The following GDF11 variants were observed in gnomAD, a reference collection of about 807,000 sequenced individuals.
GDF11 encodes growth differentiation factor 11, also known as growth/differentiation factor 11.
In GDF11, 12 loss-of-function variants were observed where a neutral mutation model predicts 34.4. The ratio of observed to expected loss-of-function variants is 0.35; its 90% CI spans 0.22 to 0.57. GDF11 has a LOEUF of 0.57. GDF11 is among the 20% of genes least tolerant of loss of function. The pLI is 0.86. For synonymous variants in GDF11, 212 were observed against 231.1 expected (o/e 0.92, Z 0.75); for missense variants, 346 against 548.2 (o/e 0.63, Z 3.68).
rs1197055891 is a variant in GDF11, at chr12:55,743,490, G to A, written c.174G>A (p.Glu58=). Residue 58 remains glutamate, a synonymous_variant, in exon 1 of 3, where the codon GAG becomes GAA. Transcript: ENST00000257868. ...GGCCAGCCCCGTCCGTGGCGCCCGA[G>A]CCGGACGGCTGCCCCGTGTGCGTTT... ...SSRPAPSVAP[E]PDGCPVCVWR... The A allele has an allele frequency of 1.9e-6, 3 of 1,543,194 alleles. No homozygotes were observed. The highest frequency in any genetic ancestry group is 2.8e-5 in the African/African-American group (2 of 72,194).
Position 55,748,438 on chromosome 12 carries a change from G to A in GDF11, c.446-148G>A, listed in dbSNP as rs111520487. 2.9e-5 allele frequency: 20 copies of A among 701,038 alleles called. No individual in the cohort carries two copies. Among genetic ancestry groups the A allele is most frequent in the Middle Eastern group, 8.2e-4 (2 of 2,442 alleles). The allele number at this position is 701,038 out of a possible 1,614,324, so 43.4% of individuals were successfully genotyped here. On this transcript the variant is annotated intron_variant, in intron 1 of 2. Transcript: ENST00000257868. The surrounding 1 kb of genome is among the most constrained non-coding windows in gnomAD (Gnocchi z 5.6). ...AAGAGGAAGTGCTGTTTTAGGTACC[G>A]GAGACATGGTATAAGATAGGCATGG...
At position 55,743,150 on chromosome 12, in the gene GDF11, CCGCCCGCG is replaced by C. The variant is rs1372113026; in HGVS notation, c.-159_-152del. 1.4e-5 allele frequency: 2 copies of C among 145,616 alleles called. No individual in the cohort carries two copies. Among genetic ancestry groups the C allele is most frequent in the African/African-American group, 4.9e-5 (2 of 40,494 alleles). 9.0% of individuals were successfully genotyped at this position (145,616 alleles called of 1,614,324 possible). A position where few individuals can be genotyped will look rare whatever the true frequency, so the allele number is the denominator to read the frequency against. ...CGCCCGCCCCGGCCGCCCGCCCGCC[CCGCCCGCG>C]CGCCCGCCGCCCCCGGCCCCCCGGG... On this transcript the variant is annotated 5_prime_UTR_variant, in exon 1 of 3. Coordinates refer to ENST00000257868, the MANE Select transcript of GDF11 (RefSeq NM_005811.5).
At position 55,756,681 on chromosome 12, in the gene GDF11, C is replaced by CACTGCTTATGT. The variant is rs1282989030; in HGVS notation, c.*6799_*6800insACTGCTTATGT. ...TTTCAGATCTACATGAACTTGAAGC[C>CACTGCTTATGT]TCCAGTTCCACTGCTTATGTTCCCA... On this transcript the variant is annotated 3_prime_UTR_variant, in exon 3 of 3. Coordinates refer to ENST00000257868, the MANE Select transcript of GDF11 (RefSeq NM_005811.5). 6.6e-6 allele frequency: 1 copy of CACTGCTTATGT among 152,202 alleles called. No individual in the cohort carries two copies. The highest frequency in any genetic ancestry group is 2.4e-5 in the African/African-American group (1 of 41,452). The allele number at this position is 152,202 out of a possible 1,614,324, so 9.4% of individuals were successfully genotyped here. A position where few individuals can be genotyped will look rare whatever the true frequency, so the allele number is the denominator to read the frequency against.
Position 55,749,620 on chromosome 12 carries a change from A to G in GDF11, c.962A>G (p.Asp321Gly). The change falls in exon 3 of 3, where the codon GAC becomes GGC. Residue 321 changes from aspartate to glycine, a missense_variant. By Grantham distance (94) the Asp-to-Gly change is moderately conservative. Transcript: ENST00000257868. This position sits in a 1 kb window ranked among gnomAD's most constrained non-coding sequence, Gnocchi z 5.6. ...TGCTGCCGATATCCCCTCACAGTGGACTTTGAGGCTTTCGGCTGGGACTGG... is the reference window on the plus strand; with the variant it reads ...TGCTGCCGATATCCCCTCACAGTGGGCTTTGAGGCTTTCGGCTGGGACTGG... ...SRCCRYPLTV[D>G]FEAFGWDWII... is the part of the protein sequence containing the mutation. 6.2e-7 allele frequency: 1 copy of G among 1,614,110 alleles called. No individual in the cohort carries two copies. The highest frequency in any genetic ancestry group is 1.1e-5 in the South Asian group (1 of 91,076).
At position 55,750,145 on chromosome 12, in the gene GDF11, T is replaced by C; in HGVS notation, c.*263T>C. On this transcript the variant is annotated 3_prime_UTR_variant, in exon 3 of 3. Transcript: ENST00000257868. The stretch of plus-strand genomic sequence containing the variant: ...AAGGTTTGACAAAAAGACAGAGAGA[T>C]GTAGAGACAGTGATAGAGACAGAGG... The C allele has an allele frequency of 2.1e-6, 1 of 482,118 alleles. No homozygotes were observed. Among genetic ancestry groups the C allele is most frequent in the Non-Finnish European group, 3.7e-6 (1 of 267,996 alleles). The allele number at this position is 482,118 out of a possible 1,614,324, so 29.9% of individuals were successfully genotyped here. A position where few individuals can be genotyped will look rare whatever the true frequency, so the allele number is the denominator to read the frequency against.
chr12:55,749,494 A>C lies in GDF11; in HGVS notation c.844-8A>C, dbSNP rs1282623032. 7 of 1,601,232 alleles carry C rather than the reference A, an allele frequency of 4.4e-6. No homozygotes were observed. Among genetic ancestry groups the C allele is most frequent in the Non-Finnish European group, 5.1e-6 (6 of 1,170,980 alleles). On this transcript the variant is annotated splice_region_variant and splice_polypyrimidine_tract_variant and intron_variant, in intron 2 of 2. Coordinates refer to ENST00000257868, the MANE Select transcript of GDF11 (RefSeq NM_005811.5). The surrounding 1 kb of genome is among the most constrained non-coding windows in gnomAD (Gnocchi z 5.6). ...ATCACATTTCTTTCCCCTCTCCCTG[A>C]CCCTCAGCATCCATTCATGGAGCTT...
At chr12:55,743,911 A>C in intron 1 of GDF11, 150 bp downstream of exon 1, 1 of 642,170 alleles carries the variant, frequency 1.6e-6, no homozygotes, top group Non-Finnish European at 2.6e-6. Flanking sequence ...GCTACTTCAT[A>C]GAAGTTTTCC....
At chr12:55,744,923 G>A (rs1878148816) in intron 1 of GDF11, among the ~76,000 whole-genome samples, 1 of 152,206 alleles carries the variant, frequency 6.6e-6, no homozygotes, top group Non-Finnish European at 1.5e-5. Context: ...CAGGAACCCA[G>A]GTGTGCATCT....
rs1403157579 is a variant in GDF11, at chr12:55,743,427, G to GGCGGCA, written c.117_122dup (p.Ala40_Ala41dup). Reference sequence around the variant, plus strand: ...CGGCGGCGGCGGCGGCGGCGGCGGCGGCGGCAGCGGCGGGGGTCGGGGGGG... The same window carrying GGCGGCA: ...CGGCGGCGGCGGCGGCGGCGGCGGCGGCGGCAGCGGCAGCGGCGGGGGTCGGGGGGG... On this transcript the variant is annotated inframe_insertion, in exon 1 of 3. Coordinates refer to ENST00000257868, the MANE Select transcript of GDF11 (RefSeq NM_005811.5). 18 of 1,098,898 alleles carry GGCGGCA rather than the reference G, an allele frequency of 1.6e-5. No homozygotes were observed. Among genetic ancestry groups the GGCGGCA allele is most frequent in the Admixed American group, 5.2e-5 (1 of 19,086 alleles). The allele number at this position is 1,098,898 out of a possible 1,614,324, so 68.1% of individuals were successfully genotyped here.
In GDF11 at chr12:55,753,669, C is replaced by G. The variant is rs982754275; in HGVS notation, c.*3787C>G. 1.3e-5 allele frequency: 2 copies of G among 148,452 alleles called. No homozygotes were observed. Among genetic ancestry groups the G allele is most frequent in the Non-Finnish European group, 2.9e-5 (2 of 67,818 alleles). 9.2% of individuals were successfully genotyped at this position (148,452 alleles called of 1,614,324 possible). ...CCTGTAATCCCAGCTACATGGAAGG[C>G]TGAGGCAGAAGAATCGCTTGAACCC... On this transcript the variant is annotated 3_prime_UTR_variant, in exon 3 of 3. Coordinates refer to ENST00000257868, the MANE Select transcript of GDF11 (RefSeq NM_005811.5).
chr12:55,749,083 A>ACC lies in GDF11; in HGVS notation c.843+101_843+102dup, dbSNP rs1166829794. 11 of 1,213,348 alleles carry ACC rather than the reference A, an allele frequency of 9.1e-6. No homozygotes were observed. The Admixed American group carries it at 2.6e-4, about 29-fold the overall frequency. 75.2% of individuals were successfully genotyped at this position (1,213,348 alleles called of 1,614,324 possible). On this transcript the variant is annotated intron_variant, in intron 2 of 2. Transcript: ENST00000257868. The surrounding 1 kb of genome is among the most constrained non-coding windows in gnomAD (Gnocchi z 5.6). ...ACAAGGAATGTGAAGGAGGTTGGGG[A>ACC]CCAGCATTACTTCTCTGGGGTCAGC... is the stretch of plus-strand genomic sequence containing the variant.
chr12:55,756,523 T>C lies in GDF11; in HGVS notation c.*6641T>C, dbSNP rs1164053719. Reference sequence around the variant, plus strand: ...ACCACAGCAACATGGGACCTGATCATAGTACCAAAGTCTTCAGGTAAGGTG... The same window carrying C: ...ACCACAGCAACATGGGACCTGATCACAGTACCAAAGTCTTCAGGTAAGGTG... On this transcript the variant is annotated 3_prime_UTR_variant, in exon 3 of 3. Transcript: ENST00000257868. The C allele has an allele frequency of 6.6e-6, 1 of 152,200 alleles. No homozygotes were observed. The highest frequency in any genetic ancestry group is 6.5e-5 in the Admixed American group (1 of 15,282). 9.4% of individuals were successfully genotyped at this position (152,200 alleles called of 1,614,324 possible).
In GDF11 at chr12:55,755,751, A is replaced by C. The variant is rs2136172454; in HGVS notation, c.*5869A>C. On this transcript the variant is annotated 3_prime_UTR_variant, in exon 3 of 3. Transcript: ENST00000257868. Reference sequence around the variant, plus strand: ...TGGAGGTTAGAGACTTCTGACCAACATAGGAACAGCTGCTGAAATGGGATG... The same window carrying C: ...TGGAGGTTAGAGACTTCTGACCAACCTAGGAACAGCTGCTGAAATGGGATG... 1 of 152,154 alleles carries C rather than the reference A, an allele frequency of 6.6e-6. No homozygotes were observed. Among genetic ancestry groups the C allele is most frequent in the Middle Eastern group, 3.4e-3 (1 of 294 alleles). 9.4% of individuals were successfully genotyped at this position (152,154 alleles called of 1,614,324 possible).
In GDF11 at chr12:55,749,442, C is replaced by T; in HGVS notation, c.844-60C>T. On this transcript the variant is annotated intron_variant, in intron 2 of 2. Coordinates refer to ENST00000257868, the MANE Select transcript of GDF11 (RefSeq NM_005811.5). The surrounding 1 kb of genome is among the most constrained non-coding windows in gnomAD (Gnocchi z 5.6). ...ATGCCCCTGGCAGGTGGGAAAGGAA[C>T]AGGGAAGAGGAACTGTTCAGGACCA... 6.6e-7 allele frequency: 1 copy of T among 1,518,540 alleles called. No individual in the cohort carries two copies. The highest frequency in any genetic ancestry group is 8.9e-7 in the Non-Finnish European group (1 of 1,126,280). The allele number at this position is 1,518,540 out of a possible 1,614,324, so 94.1% of individuals were successfully genotyped here.
Position 55,749,466 on chromosome 12 carries a change from C to G in GDF11, c.844-36C>G. 1 of 1,576,150 alleles carries G rather than the reference C, an allele frequency of 6.3e-7. No individual in the cohort carries two copies. The highest frequency in any genetic ancestry group is 8.6e-7 in the Non-Finnish European group (1 of 1,158,654). Reference sequence around the variant, plus strand: ...ACAGGGAAGAGGAACTGTTCAGGACCATATCACATTTCTTTCCCCTCTCCC... The same window carrying G: ...ACAGGGAAGAGGAACTGTTCAGGACGATATCACATTTCTTTCCCCTCTCCC... On this transcript the variant is annotated intron_variant, in intron 2 of 2. Transcript: ENST00000257868. This position sits in a 1 kb window ranked among gnomAD's most constrained non-coding sequence, Gnocchi z 5.6.
At chr12:55,743,812 A>G in intron 1 of GDF11, 51 bp downstream of exon 1, 1 of 1,408,220 alleles carries the variant, frequency 7.1e-7, no homozygotes, top group Non-Finnish European at 9.5e-7. Context: ...TGGCCCCGCG[A>G]AGGGCGCCTT....
rs35639297 is a variant in GDF11 at position 55,748,769 on chromosome 12, G to T, written c.629G>T (p.Gly210Val). 6,200 of 1,614,240 alleles carry T rather than the reference G, an allele frequency of 3.8e-3. 13 individuals are homozygous for T. Among genetic ancestry groups the T allele is most frequent in the Non-Finnish European group, 4.8e-3 (5,711 of 1,180,048 alleles). ...LKPLTGEGTAGGGGGGRRHIR... is the reference protein window; with the variant it reads ...LKPLTGEGTAVGGGGGRRHIR... ...CCCCTAACTGGGGAAGGGACCGCAG[G>T]GGGAGGGGGCGGAGGCCGGCGTCAC... Residue 210 changes from glycine (G) to valine (V), a missense_variant, in exon 2 of 3, where the codon GGG becomes GTG. By Grantham distance (109) the Gly-to-Val change is moderately radical. Transcript: ENST00000257868. The surrounding 1 kb of genome is among the most constrained non-coding windows in gnomAD (Gnocchi z 5.6).
chr12:55,749,072 G>C lies in GDF11; in HGVS notation c.843+89G>C. On this transcript the variant is annotated intron_variant, in intron 2 of 2. Coordinates refer to ENST00000257868, the MANE Select transcript of GDF11 (RefSeq NM_005811.5). This position sits in a 1 kb window ranked among gnomAD's most constrained non-coding sequence, Gnocchi z 5.6. ...GGAAAAGGTAGACAAGGAATGTGAAGGAGGTTGGGGACCAGCATTACTTCT... is the reference window on the plus strand; with the variant it reads ...GGAAAAGGTAGACAAGGAATGTGAACGAGGTTGGGGACCAGCATTACTTCT... 2 of 1,313,704 alleles carry C rather than the reference G, an allele frequency of 1.5e-6. No homozygotes were observed. Among genetic ancestry groups the C allele is most frequent in the Non-Finnish European group, 2.0e-6 (2 of 977,932 alleles). 81.4% of individuals were successfully genotyped at this position (1,313,704 alleles called of 1,614,324 possible). A position where few individuals can be genotyped will look rare whatever the true frequency, so the allele number is the denominator to read the frequency against.
rs1878438274 is a variant in GDF11, at chr12:55,754,431, G to A, written c.*4549G>A. ...GCAGGCAGTGGCATCTACAGCTTCT[G>A]GTCTGTAGTGGCGTAGAAGCAGGAA... On this transcript the variant is annotated 3_prime_UTR_variant, in exon 3 of 3. Coordinates refer to ENST00000257868, the MANE Select transcript of GDF11 (RefSeq NM_005811.5). 6.6e-6 allele frequency: 1 copy of A among 152,208 alleles called. No individual in the cohort carries two copies. Among genetic ancestry groups the A allele is most frequent in the African/African-American group, 2.4e-5 (1 of 41,450 alleles). 9.4% of individuals were successfully genotyped at this position (152,208 alleles called of 1,614,324 possible).
Sources: gnomAD v4.1 joint callset for allele counts (sites outside exome capture counted in the v4.1 genomes callset) on GRCh38, gnomAD v4.1.1 for gene constraint, Gnocchi (gnomAD v3.1) non-coding constraint, MANE v1.5 for transcripts, NCBI Gene and HGNC (gene_info 2026-07-23, HGNC 2026-07-21) for gene names.